Variants in OSMR observed in about 807,000 individuals in gnomAD.
OSMR encodes the protein oncostatin M receptor.
OSMR carries 81 observed loss-of-function variants against 99.9 expected under a neutral mutation model. That is an observed-to-expected ratio of 0.81 (90% CI 0.68 to 0.97). The LOEUF (loss-of-function observed/expected upper bound fraction) is 0.97, where lower values mean the gene tolerates loss of function less well. Among genes scored for constraint, OSMR ranks in the 50% least tolerant of loss-of-function variants. OSMR has a pLI of 0.00. For missense variants in OSMR, 1,099 were observed against 1,153.4 expected (o/e 0.95, Z 0.68); for synonymous variants, 406 against 410.4 (o/e 0.99, Z 0.13).
At chr5:38,903,132 C>T (rs1038565772) in intron 7 of OSMR, among the ~76,000 whole-genome samples, 1 of 152,242 alleles carries the variant, frequency 6.6e-6, no homozygotes, top group Non-Finnish European at 1.5e-5. Context: ...GAAGCAGGTG[C>T]TCTCTGTGCA....
chr5:38,894,266 G>A, intron 7 of OSMR, among the ~76,000 whole-genome samples: 1 of 151,868 alleles, frequency 6.6e-6, no homozygotes, highest in East Asian at 1.9e-4. Flanking sequence ...AGGAACCGCA[G>A]AATAGAAACT....
chr5:38,891,506 C>T (rs1744155993), intron 7 of OSMR, among the ~76,000 whole-genome samples: 4 of 152,198 alleles, frequency 2.6e-5, no homozygotes, highest in Admixed American at 2.6e-4. Flanking sequence ...GAGCAAAGCC[C>T]AGGCAGCTCC....
intron 7 of OSMR, among the ~76,000 whole-genome samples, chr5:38,901,506 G>T (rs141946809): frequency 6.6e-6 from 1 of 152,198 alleles, no homozygotes; most frequent in South Asian, 2.1e-4. Context: ...ATTTCATGTT[G>T]TAGTGTCATG....
At chr5:38,896,255 C>T (rs141941890) in intron 7 of OSMR, among the ~76,000 whole-genome samples, 78 of 152,164 alleles carry the variant, frequency 5.1e-4, no homozygotes, top group African/African-American at 1.8e-3. Flanking sequence ...GACATTTTAA[C>T]AATATTGATT....
chr5:38,918,846 T>C lies in OSMR; in HGVS notation c.1369T>C (p.Ser457Pro). The C allele has an allele frequency of 6.2e-7, 1 of 1,614,018 alleles. No individual in the cohort carries two copies. Among genetic ancestry groups the C allele is most frequent in the Non-Finnish European group, 8.5e-7 (1 of 1,179,856 alleles). Residue 457 changes from serine (S) to proline (P), a missense_variant, in exon 11 of 18, where the codon TCA becomes CCA. Transcript: ENST00000274276. ...TTATCAATATTTTTTTCAGCCATTA[T>C]CAAAACTGCATGCCAATGGAAAGAT... ...HTVTLFWKPL[S>P]KLHANGKILF... is the part of the protein sequence containing the mutation.
chr5:38,880,491 C>T (rs1284978352), intron 3 of OSMR, among the ~76,000 whole-genome samples: 1 of 152,106 alleles, frequency 6.6e-6, no homozygotes, highest in Non-Finnish European at 1.5e-5. Flanking sequence ...AGAGTCACAG[C>T]TGATATACCA....
At chr5:38,887,796 C>G (rs1743886563) in intron 7 of OSMR, among the ~76,000 whole-genome samples, 1 of 152,140 alleles carries the variant, frequency 6.6e-6, no homozygotes, top group Non-Finnish European at 1.5e-5. Context: ...CTCTATGTTA[C>G]TAAATCTTCC....
rs1260499247 is a variant in OSMR at position 38,862,075 on chromosome 5, C to T, written c.-13-6957C>T. On this transcript the variant is annotated intron_variant, in intron 1 of 17. Transcript: ENST00000274276. ...GCAGAGGCGCCCCTCACCTCCCGGA[C>T]GGGGCGGCTGGCCGGGTGGGGGGCT... is the stretch of plus-strand genomic sequence containing the variant. Among the ~76,000 whole-genome samples, 421 of 83,284 alleles carry T rather than the reference C, an allele frequency of 5.1e-3. 6 individuals are homozygous for T. The highest frequency in any genetic ancestry group is 9.4e-3 in the Middle Eastern group (1 of 106). The allele number at this position is 83,284 out of a possible 152,430, so 54.6% of individuals were successfully genotyped here.
intron 1 of OSMR, among the ~76,000 whole-genome samples, chr5:38,856,658 T>C (rs1740876726): frequency 6.6e-6 from 1 of 152,184 alleles, no homozygotes. Flanking sequence ...CTTTTATTTT[T>C]GGTTTTAGAG....
At position 38,886,106 on chromosome 5, in the gene OSMR, C is replaced by T. The variant is rs1247050639; in HGVS notation, c.907C>T (p.Gln303Ter). The part of the protein sequence containing the change: ...WCNWQITQDS[Q>*]ETYNFTLIAE... The stretch of plus-strand genomic sequence containing the variant: ...TAATTGGCAAATAACTCAAGACTCA[C>T]AAGAAACCTATAACTTCACACTCAT... Residue 303 changes from glutamine (Q) to a stop codon, truncating the protein, a stop_gained, in exon 7 of 18, where the codon CAA becomes TAA. Coordinates refer to ENST00000274276, the MANE Select transcript of OSMR (RefSeq NM_003999.3). LOFTEE classifies it high-confidence loss of function. 6.2e-7 allele frequency: 1 copy of T among 1,613,820 alleles called. No individual in the cohort carries two copies. Among genetic ancestry groups the T allele is most frequent in the Admixed American group, 1.7e-5 (1 of 59,976 alleles).
At chr5:38,847,586 T>A (rs1009244592) in intron 1 of OSMR, among the ~76,000 whole-genome samples, 3 of 152,184 alleles carry the variant, frequency 2.0e-5, no homozygotes, top group African/African-American at 7.2e-5. Flanking sequence ...GTCCCCAAAC[T>A]CCGCTGTGTC....
intron 11 of OSMR, 86 bp from the exon 12 acceptor site, chr5:38,921,529 T>C: frequency 3.8e-6 from 6 of 1,599,038 alleles, no homozygotes; most frequent in Non-Finnish European, 4.3e-6. Flanking sequence ...ATACAGTGCA[T>C]GTATGTATTT....
chr5:38,901,612 C>T (rs76540847), intron 7 of OSMR, among the ~76,000 whole-genome samples: 6,987 of 152,208 alleles, frequency 0.046, 201 homozygotes, highest in South Asian at 0.09. Context: ...CTGGGGGCTG[C>T]TTCAAGCAAC....
At chr5:38,848,403 T>G (rs1369360064) in intron 1 of OSMR, among the ~76,000 whole-genome samples, 1 of 152,244 alleles carries the variant, frequency 6.6e-6, no homozygotes, top group Non-Finnish European at 1.5e-5. Flanking sequence ...TTCATAGCCT[T>G]CCTTCCCTCC....
Position 38,917,841 on chromosome 5 carries a change from C to T in OSMR, c.1362+219C>T, listed in dbSNP as rs555609646. On this transcript the variant is annotated intron_variant, in intron 10 of 17. Transcript: ENST00000274276. ...CCAGTTCTGATTGGTAGAACCTTCT[C>T]TGCAACTTCAACTCAGGCCAGGCTT... Among the ~76,000 whole-genome samples, 23 of 152,296 alleles carry T rather than the reference C, an allele frequency of 1.5e-4. No homozygotes were observed. The South Asian group carries it at 4.4e-3, about 29-fold the overall frequency.
chr5:38,932,637 T>C, intron 17 of OSMR, 102 bp downstream of exon 17: 2 of 1,558,104 alleles, frequency 1.3e-6, no homozygotes, highest in Admixed American at 1.8e-5. Context: ...CAGGAAAATA[T>C]AGCACAGTAA....
intron 3 of OSMR, among the ~76,000 whole-genome samples, chr5:38,878,344 GC>G (rs1370153460): frequency 2.6e-5 from 4 of 152,094 alleles, no homozygotes; most frequent in African/African-American, 9.7e-5. Context: ...TCTCATTCAT[GC>G]TGGGGGCTGG....
At chr5:38,878,074 C>T (rs546252332) in intron 3 of OSMR, among the ~76,000 whole-genome samples, 1 of 152,066 alleles carries the variant, frequency 6.6e-6, no homozygotes, top group African/African-American at 2.4e-5. Context: ...TTGTGTTGCT[C>T]CAGGTGACAG....
At chr5:38,940,019 C>CT (rs35397307), downstream of OSMR, 108,415 of 201,346 alleles carry the variant, frequency 0.54, 25,930 homozygotes, top group African/African-American at 0.67. Flanking sequence ...TAAGCGTAGA[C>CT]TTTTTTTTTT....
Sources: allele counts gnomAD v4.1 joint callset (sites outside exome capture counted in the v4.1 genomes callset), GRCh38; gene constraint gnomAD v4.1.1; transcripts MANE v1.5; gene names NCBI Gene and HGNC (gene_info 2026-07-23, HGNC 2026-07-21).